SAP30BP: variants seen among roughly 807,000 people sequenced by gnomAD.
SAP30BP encodes the protein SAP30-binding protein.
Under a neutral mutation model 46.3 loss-of-function variants are expected in SAP30BP, and 31 were observed. That is an observed-to-expected ratio of 0.67 (90% CI 0.50 to 0.90). The LOEUF is 0.90. SAP30BP is among the 40% of genes least tolerant of loss of function. SAP30BP has a pLI of 0.00. For missense variants in SAP30BP, 312 were observed against 391.0 expected (o/e 0.80, Z 1.70); for synonymous variants, 169 against 144.2 (o/e 1.17, Z -1.23).
At chr17:75,687,280 T>G (rs750426171) in intron 3 of SAP30BP, among the ~76,000 whole-genome samples, 23 of 152,300 alleles carry the variant, frequency 1.5e-4, no homozygotes, top group Admixed American at 1.2e-3. Flanking sequence ...ACAGTAATTA[T>G]TTTTGTCTTA....
At chr17:75,704,460 C>T (rs1310315491) in intron 8 of SAP30BP, among the ~76,000 whole-genome samples, 1 of 152,230 alleles carries the variant, frequency 6.6e-6, no homozygotes, top group Admixed American at 6.5e-5. Context: ...TCCAGCTTCT[C>T]TCCATCAGTA....
Position 75,707,807 on chromosome 17 carries a change from TGGC to T in SAP30BP, c.*1290_*1292del, listed in dbSNP as rs1313258043. 2.6e-5 allele frequency: 4 copies of T among 152,180 alleles called. No homozygotes were observed. Among genetic ancestry groups the T allele is most frequent in the African/African-American group, 7.2e-5 (3 of 41,424 alleles). 9.4% of individuals were successfully genotyped at this position (152,180 alleles called of 1,614,324 possible). On this transcript the variant is annotated 3_prime_UTR_variant, in exon 11 of 11. Coordinates refer to ENST00000584667, the MANE Select transcript of SAP30BP (RefSeq NM_013260.8). Reference sequence around the variant, plus strand: ...TGAAAAGGCTTCCTGTGACCTCCGATGGCGGCCCCTCATTGGCCAAGGGCACTG... The same window carrying T: ...TGAAAAGGCTTCCTGTGACCTCCGATGGCCCCTCATTGGCCAAGGGCACTG...
chr17:75,673,916 T>C (rs558032834), intron 3 of SAP30BP, among the ~76,000 whole-genome samples: 1 of 152,360 alleles, frequency 6.6e-6, no homozygotes, highest in South Asian at 2.1e-4. Context: ...TCATGTGCAT[T>C]TCAAGTTTTA....
chr17:75,703,590 CAT>C, intron 7 of SAP30BP: 2 of 634,950 alleles, frequency 3.1e-6, no homozygotes, highest in Admixed American at 5.3e-5. Flanking sequence ...CTGGTGGGGA[CAT>C]GTGTGGACCT....
At chr17:75,672,229 C>A (rs190140679) in intron 3 of SAP30BP, 8 of 233,786 alleles carry the variant, frequency 3.4e-5, no homozygotes, top group Admixed American at 3.4e-4. Context: ...GGCCGCCTCG[C>A]GTGCTTTGGG....
rs990798805 is a variant in SAP30BP at position 75,703,090 on chromosome 17, GAC to G, written c.489-219_489-218del. The G allele has an allele frequency of 7.0e-6, 4 of 575,032 alleles. No individual in the cohort carries two copies. In the African/African-American group the frequency reaches 7.5e-5, roughly 11 times the overall value. The allele number at this position is 575,032 out of a possible 1,614,324, so 35.6% of individuals were successfully genotyped here. A position where few individuals can be genotyped will look rare whatever the true frequency, so the allele number is the denominator to read the frequency against. On this transcript the variant is annotated intron_variant, in intron 6 of 10. Coordinates refer to ENST00000584667, the MANE Select transcript of SAP30BP (RefSeq NM_013260.8). ...AGCTGTGCAGACTGAAGGTCAGTGAGACAAAACTCAGCCGTCACCTTGACCCT... is the reference window on the plus strand; with the variant it reads ...AGCTGTGCAGACTGAAGGTCAGTGAGAAAACTCAGCCGTCACCTTGACCCT...
At chr17:75,693,589 G>A (rs1209722275) in intron 4 of SAP30BP, 107 bp downstream of exon 4, 1 of 1,015,570 alleles carries the variant, frequency 9.8e-7, no homozygotes, top group Non-Finnish European at 1.5e-6. Context: ...TCTGCTGTGA[G>A]CACTGTTGTC....
At position 75,703,970 on chromosome 17, in the gene SAP30BP, G is replaced by T. The variant is rs1016972948; in HGVS notation, c.601+111G>T. 3 of 859,568 alleles carry T rather than the reference G, an allele frequency of 3.5e-6. No homozygotes were observed. The South Asian group carries it at 4.1e-5, about 12-fold the overall frequency. The allele number at this position is 859,568 out of a possible 1,614,324, so 53.2% of individuals were successfully genotyped here. A position where few individuals can be genotyped will look rare whatever the true frequency, so the allele number is the denominator to read the frequency against. Reference sequence around the variant, plus strand: ...TATTTCAGGGTCTACTCTATGTCAGGCCATGTTCAAGGGGGCTGGGTACAG... The same window carrying T: ...TATTTCAGGGTCTACTCTATGTCAGTCCATGTTCAAGGGGGCTGGGTACAG... On this transcript the variant is annotated intron_variant, in intron 8 of 10. Transcript: ENST00000584667.
At chr17:75,671,170 A>G (rs2059902460) in intron 2 of SAP30BP, among the ~76,000 whole-genome samples, 1 of 152,220 alleles carries the variant, frequency 6.6e-6, no homozygotes, top group Non-Finnish European at 1.5e-5. Flanking sequence ...TTCTGTGAGC[A>G]CTTAGGTGGA....
intron 3 of SAP30BP, among the ~76,000 whole-genome samples, chr17:75,672,524 C>T (rs1172307657): frequency 6.6e-6 from 1 of 152,162 alleles, no homozygotes; most frequent in Non-Finnish European, 1.5e-5. Context: ...AGCTGCTGTG[C>T]TGTGCATTGG....
At chr17:75,667,749 G>GC (rs1462803386) in intron 1 of SAP30BP, among the ~76,000 whole-genome samples, 1 of 152,236 alleles carries the variant, frequency 6.6e-6, no homozygotes, top group African/African-American at 2.4e-5. Context: ...AGAGGGAGCG[G>GC]CTGCTCAGCC....
In SAP30BP at chr17:75,695,331, G is replaced by A. The variant is rs186236783; in HGVS notation, c.307+1849G>A. 5.7e-3 allele frequency among the ~76,000 whole-genome samples: 865 copies of A among 152,280 alleles called. 5 individuals carry two copies. Among genetic ancestry groups the A allele is most frequent in the Middle Eastern group, 0.01 (3 of 294 alleles). On this transcript the variant is annotated intron_variant, in intron 4 of 10. Coordinates refer to ENST00000584667, the MANE Select transcript of SAP30BP (RefSeq NM_013260.8). ...CCAGACATTGCCAAATGTCCCCTTG[G>A]GGCAGAATCACCCCTAGTTAAGAAC...
chr17:75,707,665 C>T lies in SAP30BP; in HGVS notation c.*1144C>T, dbSNP rs1183711700. 6.6e-6 allele frequency: 1 copy of T among 152,600 alleles called. No individual in the cohort carries two copies. Among genetic ancestry groups the T allele is most frequent in the Non-Finnish European group, 1.5e-5 (1 of 68,058 alleles). The allele number at this position is 152,600 out of a possible 1,614,324, so 9.5% of individuals were successfully genotyped here. On this transcript the variant is annotated 3_prime_UTR_variant, in exon 11 of 11. Coordinates refer to ENST00000584667, the MANE Select transcript of SAP30BP (RefSeq NM_013260.8). The stretch of plus-strand genomic sequence containing the variant: ...GTTTCAAAAATAAAAATTGAGTCCA[C>T]TCTCCCCGTACACACACACTCGGGC...
chr17:75,692,159 A>C, intron 3 of SAP30BP: 1 of 878,876 alleles, frequency 1.1e-6, no homozygotes, highest in Non-Finnish European at 1.4e-6. Context: ...GTTCTGAGGA[A>C]TGGGGAATTT....
chr17:75,702,096 C>G (rs2060420590), intron 5 of SAP30BP, among the ~76,000 whole-genome samples: 2 of 152,214 alleles, frequency 1.3e-5, no homozygotes. Flanking sequence ...GATCTCAGCT[C>G]ACTGCAACCT....
intron 4 of SAP30BP, among the ~76,000 whole-genome samples, chr17:75,694,636 C>A (rs891789860): frequency 6.6e-6 from 1 of 152,054 alleles, no homozygotes; most frequent in Non-Finnish European, 1.5e-5. Context: ...CCCAAGGGGG[C>A]GATCCACGGG....
intron 5 of SAP30BP, among the ~76,000 whole-genome samples, chr17:75,700,845 A>T (rs542577524): frequency 1.3e-5 from 2 of 152,230 alleles, no homozygotes. Flanking sequence ...TACAGTGCCA[A>T]TTGTGCCTCC....
At chr17:75,677,877 C>G (rs1390708408) in intron 3 of SAP30BP, among the ~76,000 whole-genome samples, 1 of 150,212 alleles carries the variant, frequency 6.7e-6, no homozygotes, top group Non-Finnish European at 1.5e-5. Flanking sequence ...ATGAAAAAGA[C>G]AATGACTTAA....
intron 3 of SAP30BP, among the ~76,000 whole-genome samples, chr17:75,681,373 A>G (rs923428539): frequency 6.6e-6 from 1 of 152,176 alleles, no homozygotes; most frequent in Non-Finnish European, 1.5e-5. Flanking sequence ...CTCAGTGGCT[A>G]TTCATACCCA....
Sources: allele counts gnomAD v4.1 joint callset (sites outside exome capture counted in the v4.1 genomes callset), GRCh38; gene constraint gnomAD v4.1.1; transcripts MANE v1.5; gene names NCBI Gene and HGNC (gene_info 2026-07-23, HGNC 2026-07-21).